The following EML6 variants were observed in gnomAD, a reference collection of about 807,000 sequenced individuals.
EML6 encodes EMAP like 6.
A neutral mutation model predicts 240.1 loss-of-function variants in EML6; 154 were observed. The observed-to-expected ratio is 0.64, with a 90% CI of 0.56 to 0.73. The LOEUF is 0.73. EML6 is among the 30% of genes least tolerant of loss of function. EML6 has a pLI of 0.00. For synonymous variants in EML6, 1,148 were observed against 899.0 expected, an observed-to-expected ratio of 1.28 and a Z score of -4.95; for missense variants, 2,964 against 2,474.6, an observed-to-expected ratio of 1.20 and a Z score of -4.20.
intron 2 of EML6, among the ~76,000 whole-genome samples, chr2:54,787,719 G>A (rs1669166719): frequency 6.6e-6 from 1 of 152,136 alleles, no homozygotes; most frequent in Non-Finnish European, 1.5e-5. Flanking sequence ...TCTCAGTCTG[G>A]GGTACTTCCT....
chr2:54,772,272 G>A (rs192398676), intron 2 of EML6, among the ~76,000 whole-genome samples: 25 of 152,284 alleles, frequency 1.6e-4, no homozygotes, highest in Non-Finnish European at 2.9e-5. Flanking sequence ...ATAAAACGAA[G>A]CTTGAAGTGA....
chr2:54,842,482 G>T (rs560295136), intron 7 of EML6, among the ~76,000 whole-genome samples: 5 of 152,214 alleles, frequency 3.3e-5, no homozygotes, highest in Non-Finnish European at 7.4e-5. Context: ...GAGAAAAATT[G>T]GTCCCCAGCA....
chr2:54,895,792 G>A (rs1024965401), intron 21 of EML6, among the ~76,000 whole-genome samples: 15 of 151,876 alleles, frequency 9.9e-5, no homozygotes, highest in African/African-American at 3.6e-4. Flanking sequence ...TTTTCTTGCT[G>A]GCTGTTGGCC....
chr2:54,757,327 TTGA>T (rs1293655261), intron 2 of EML6, among the ~76,000 whole-genome samples: 1 of 152,134 alleles, frequency 6.6e-6, no homozygotes, highest in Non-Finnish European at 1.5e-5. Flanking sequence ...AGGGGCAGTG[TTGA>T]TGAGTGGTTT....
intron 8 of EML6, among the ~76,000 whole-genome samples, chr2:54,846,642 C>G (rs1202324772): frequency 1.3e-5 from 2 of 151,876 alleles, no homozygotes; most frequent in Admixed American, 6.6e-5. Flanking sequence ...CCCCACCACA[C>G]CCAGCTATTT....
At position 54,879,646 on chromosome 2, in the gene EML6, A is replaced by T. The variant is rs779486875; in HGVS notation, c.2438+6A>T. 6.6e-6 allele frequency: 10 copies of T among 1,523,430 alleles called. No homozygotes were observed. The highest frequency in any genetic ancestry group is 8.9e-6 in the Non-Finnish European group (10 of 1,121,042). The allele number at this position is 1,523,430 out of a possible 1,614,324, so 94.4% of individuals were successfully genotyped here. Reference sequence around the variant, plus strand: ...GAAAAGATAGCCACAACAAGGTAAGAAGCTGCCGGGATCTTACGGTATCCT... The same window carrying T: ...GAAAAGATAGCCACAACAAGGTAAGTAGCTGCCGGGATCTTACGGTATCCT... On this transcript the variant is annotated splice_donor_region_variant and intron_variant, in intron 17 of 41. Transcript: ENST00000356458.
At chr2:54,878,611 C>T (rs1331256585) in intron 16 of EML6, among the ~76,000 whole-genome samples, 3 of 151,970 alleles carry the variant, frequency 2.0e-5, no homozygotes, top group African/African-American at 7.3e-5. Flanking sequence ...CCTAAATGTC[C>T]AAATTATAGT....
At chr2:54,951,689 G>T (rs1675987065) in intron 30 of EML6, among the ~76,000 whole-genome samples, 1 of 141,168 alleles carries the variant, frequency 7.1e-6, no homozygotes, top group South Asian at 2.4e-4. Flanking sequence ...TGCCTTATTT[G>T]CTCATGCCTC....
chr2:54,755,585 A>T (rs1244954843), intron 2 of EML6, among the ~76,000 whole-genome samples: 2 of 152,004 alleles, frequency 1.3e-5, no homozygotes, highest in African/African-American at 4.8e-5. Context: ...TACGTATTTG[A>T]TGGGTTTTGA....
In EML6 at chr2:54,797,177, A is replaced by AACAAAAAAAAAAAAAC. The variant is rs1669849334; in HGVS notation, c.198-16054_198-16053insCAAAAAAAAAAAAACA. ...AAGACTCCATCTCAAAAAAAAAAAA[A>AACAAAAAAAAAAAAAC]AAAAAAAAAAAACTGTGATCTTGTA... is the stretch of plus-strand genomic sequence containing the variant. On this transcript the variant is annotated intron_variant, in intron 2 of 41. Coordinates refer to ENST00000356458, the MANE Select transcript of EML6 (RefSeq NM_001039753.4). 3.8e-5 allele frequency among the ~76,000 whole-genome samples: 5 copies of AACAAAAAAAAAAAAAC among 132,688 alleles called. No homozygotes were observed. The Admixed American group carries it at 4.0e-4, about 11-fold the overall frequency. 87.0% of individuals were successfully genotyped at this position (132,688 alleles called of 152,430 possible).
intron 25 of EML6, among the ~76,000 whole-genome samples, chr2:54,915,832 C>A (rs1673880691): frequency 6.6e-6 from 1 of 152,060 alleles, no homozygotes; most frequent in South Asian, 2.1e-4. Context: ...TCTCTAATTT[C>A]TTTTACTCCA....
At chr2:54,899,899 G>T in intron 22 of EML6, 117 bp downstream of exon 22, 1 of 1,001,570 alleles carries the variant, frequency 1.0e-6, no homozygotes, top group Non-Finnish European at 1.4e-6. Flanking sequence ...TAAATATGCT[G>T]GGCAATGAGA....
intron 2 of EML6, among the ~76,000 whole-genome samples, chr2:54,795,394 C>T (rs1326369480): frequency 1.3e-5 from 2 of 152,052 alleles, no homozygotes; most frequent in African/African-American, 4.8e-5. Flanking sequence ...GAAATCTGCC[C>T]CCATTATCCA....
At chr2:54,922,075 C>G (rs1250054636) in intron 26 of EML6, among the ~76,000 whole-genome samples, 1 of 152,110 alleles carries the variant, frequency 6.6e-6, no homozygotes, top group African/African-American at 2.4e-5. Context: ...GAGACAACAT[C>G]AAACTAAAAA....
chr2:54,747,526 A>G (rs1683965374), intron 2 of EML6: 1 of 152,240 alleles, frequency 6.6e-6, no homozygotes, highest in Admixed American at 6.5e-5. Flanking sequence ...TCATTAACTT[A>G]TATATTCTTT....
intron 2 of EML6, among the ~76,000 whole-genome samples, chr2:54,792,302 A>G (rs1465075523): frequency 2.0e-5 from 3 of 152,108 alleles, no homozygotes; most frequent in African/African-American, 4.8e-5. Flanking sequence ...GGCTTCCCCT[A>G]TATTATTGGT....
chr2:54,912,855 T>A (rs1209107965), intron 25 of EML6, among the ~76,000 whole-genome samples: 3 of 152,226 alleles, frequency 2.0e-5, no homozygotes, highest in Non-Finnish European at 4.4e-5. Context: ...TTGTGAATAG[T>A]GCTGCAATGA....
At chr2:54,950,535 G>A (rs551615758) in intron 29 of EML6, 115 bp from the exon 30 acceptor site, 110 of 1,175,824 alleles carry the variant, frequency 9.4e-5, no homozygotes, top group Non-Finnish European at 1.2e-4. Context: ...GTGTGTTGGC[G>A]TCACCAGCCA....
intron 2 of EML6, among the ~76,000 whole-genome samples, chr2:54,758,294 G>T (rs1667828322): frequency 6.6e-6 from 1 of 152,110 alleles, no homozygotes; most frequent in Non-Finnish European, 1.5e-5. Flanking sequence ...ACAGTGACTT[G>T]TTTTCTTTGT....
Sources: gnomAD v4.1 joint callset for allele counts (sites outside exome capture counted in the v4.1 genomes callset) on GRCh38, gnomAD v4.1.1 for gene constraint, MANE v1.5 for transcripts, NCBI Gene and HGNC (gene_info 2026-07-23, HGNC 2026-07-21) for gene names.